Variants in TRIM2 observed in about 807,000 individuals in gnomAD.
The protein encoded by TRIM2 is tripartite motif containing 2.
Under a neutral mutation model 75.2 loss-of-function variants are expected in TRIM2, and 20 were observed. The ratio of observed to expected loss-of-function variants is 0.27; its 90% confidence interval spans 0.19 to 0.39. The LOEUF (loss-of-function observed/expected upper bound fraction) is 0.39. Among genes scored for constraint, TRIM2 ranks in the 10% least tolerant of loss-of-function variants. The pLI, the probability that TRIM2 is intolerant of heterozygous loss-of-function variation, is 1.00. For synonymous variants in TRIM2, 373 were observed against 388.3 expected (o/e 0.96, Z 0.46); for missense variants, 660 against 990.8 (o/e 0.67, Z 4.48).
chr4:153,284,567 G>C (rs980313369), intron 3 of TRIM2, among the ~76,000 whole-genome samples: 7 of 152,244 alleles, frequency 4.6e-5, no homozygotes, highest in Admixed American at 1.3e-4. Flanking sequence ...AAAGCATAAG[G>C]GTTCTAATTT....
chr4:153,312,580 G>A (rs893348743), intron 6 of TRIM2, among the ~76,000 whole-genome samples: 1 of 152,104 alleles, frequency 6.6e-6, no homozygotes, highest in Non-Finnish European at 1.5e-5. Context: ...AGGATGTGGA[G>A]AAATAGGAAT....
intron 1 of TRIM2, among the ~76,000 whole-genome samples, chr4:153,214,503 CAAT>C (rs1433157017): frequency 6.6e-6 from 1 of 152,160 alleles, no homozygotes; most frequent in African/African-American, 2.4e-5. Flanking sequence ...ACAAAAGAAA[CAAT>C]AAAGAAAATT....
chr4:153,244,373 T>C lies in TRIM2; in HGVS notation c.31-25962T>C, dbSNP rs567964039. On this transcript the variant is annotated intron_variant, in intron 1 of 11. Coordinates refer to ENST00000338700, the MANE Select transcript of TRIM2 (RefSeq NM_015271.5). ...CTTCTTCCTCTTCTTCTTCTTCTTC[T>C]TCTTCTTCTTCTTCTTCTTCTTCTT... Among the ~76,000 whole-genome samples the C allele has an allele frequency of 3.2e-3, 176 of 54,986 alleles. 8 individuals carry two copies. Among genetic ancestry groups the C allele is most frequent in the Admixed American group, 8.5e-3 (35 of 4,142 alleles). The allele number at this position is 54,986 out of a possible 152,430, so 36.1% of individuals were successfully genotyped here. A position where few individuals can be genotyped will look rare whatever the true frequency, so the allele number is the denominator to read the frequency against.
chr4:153,335,861 G>T lies in TRIM2; in HGVS notation c.*895G>T. ...CCTGAAAGCGAAAGCTTTACCTCCT[G>T]CAAATGTCAGCACATGTAGTAGGAC... On this transcript the variant is annotated 3_prime_UTR_variant, in exon 12 of 12. Transcript: ENST00000338700. 1.0e-6 allele frequency: 1 copy of T among 985,726 alleles called. No individual in the cohort carries two copies. The highest frequency in any genetic ancestry group is 1.2e-6 in the Non-Finnish European group (1 of 829,904). 61.1% of individuals were successfully genotyped at this position (985,726 alleles called of 1,614,324 possible).
At chr4:153,269,279 G>A (rs1250229851) in intron 1 of TRIM2, among the ~76,000 whole-genome samples, 2 of 152,168 alleles carry the variant, frequency 1.3e-5, no homozygotes, top group African/African-American at 4.8e-5. Context: ...AAAAGAAAGA[G>A]GGGTTTGGAC....
intron 6 of TRIM2, among the ~76,000 whole-genome samples, chr4:153,302,905 C>T (rs1431206887): frequency 6.6e-6 from 1 of 152,178 alleles, no homozygotes; most frequent in Non-Finnish European, 1.5e-5. Context: ...CAGAAGAATG[C>T]TTTGCATAAG....
At chr4:153,249,020 C>T (rs561314193) in intron 1 of TRIM2, among the ~76,000 whole-genome samples, 8 of 152,400 alleles carry the variant, frequency 5.2e-5, no homozygotes, top group African/African-American at 1.4e-4. Context: ...GTCGGGAGAA[C>T]TCCTGTTGCT....
chr4:153,197,565 C>T (rs987022553), intron 1 of TRIM2, among the ~76,000 whole-genome samples: 2 of 152,114 alleles, frequency 1.3e-5, no homozygotes, highest in African/African-American at 4.8e-5. Flanking sequence ...GCAGAATCCT[C>T]ATGAATGGGA....
At chr4:153,308,620 G>A in intron 6 of TRIM2, 1 of 628,698 alleles carries the variant, frequency 1.6e-6, no homozygotes, top group Non-Finnish European at 3.1e-6. Context: ...CACACCTTTG[G>A]TCTTGATGGC....
chr4:153,221,985 AG>A (rs1299105235), intron 1 of TRIM2, among the ~76,000 whole-genome samples: 102 of 59,120 alleles, frequency 1.7e-3, no homozygotes, highest in African/African-American at 5.1e-3. Context: ...GAAGGAAGGA[AG>A]GGAGAGAGGA....
chr4:153,315,998 A>T lies in TRIM2; in HGVS notation c.1781A>T (p.Lys594Met). ...ATTTTCTCCTCCGATGGGAAATTTA[A>T]GGTAAGATTAACTACTAATTGTTCA... ...VSIFSSDGKFKTKIGSGKLMG... is the reference protein window; with the variant it reads ...VSIFSSDGKFMTKIGSGKLMG... Residue 594 changes from lysine (K) to methionine (M), a missense_variant and splice_region_variant, in exon 8 of 12, where the codon AAG becomes ATG. Physicochemically the swap from Lys to Met is moderately conservative, Grantham distance 95. This residue lies in a region of TRIM2 where 620 missense variants were observed against 891.0 expected (regional missense o/e 0.70). Coordinates refer to ENST00000338700, the MANE Select transcript of TRIM2 (RefSeq NM_015271.5). 6.4e-7 allele frequency: 1 copy of T among 1,563,550 alleles called. No homozygotes were observed. The highest frequency in any genetic ancestry group is 8.6e-7 in the Non-Finnish European group (1 of 1,157,282).
At chr4:153,231,708 T>G (rs941740023) in intron 1 of TRIM2, among the ~76,000 whole-genome samples, 6 of 152,202 alleles carry the variant, frequency 3.9e-5, no homozygotes, top group African/African-American at 1.4e-4. Flanking sequence ...TGTCCTAGCA[T>G]CCGGCTGTCC....
At chr4:153,297,381 T>G (rs1762987536) in intron 6 of TRIM2, among the ~76,000 whole-genome samples, 1 of 152,162 alleles carries the variant, frequency 6.6e-6, no homozygotes, top group African/African-American at 2.4e-5. Flanking sequence ...TACTTGAGCC[T>G]TGGGCAAATC....
chr4:153,205,368 C>T (rs1735108402), intron 1 of TRIM2, among the ~76,000 whole-genome samples: 1 of 152,068 alleles, frequency 6.6e-6, no homozygotes, highest in Non-Finnish European at 1.5e-5. Context: ...CTGGCCCATT[C>T]GGTGCTCAGT....
chr4:153,319,488 G>A (rs1389384561), intron 8 of TRIM2, among the ~76,000 whole-genome samples: 3 of 152,114 alleles, frequency 2.0e-5, no homozygotes, highest in Non-Finnish European at 4.4e-5. Flanking sequence ...CAGCACCTTG[G>A]GAGGCCGCAG....
chr4:153,173,544 C>A (rs1731093484), intron 1 of TRIM2, among the ~76,000 whole-genome samples: 1 of 151,860 alleles, frequency 6.6e-6, no homozygotes, highest in African/African-American at 2.4e-5. Flanking sequence ...CGCCTGTGGT[C>A]CCAGCTACTT....
intron 1 of TRIM2, among the ~76,000 whole-genome samples, chr4:153,184,775 G>T (rs1654391700): frequency 6.6e-6 from 1 of 152,144 alleles, no homozygotes; most frequent in Admixed American, 6.5e-5. Context: ...TCCTGTCTTT[G>T]GGAAGTGGAG....
Position 153,336,249 on chromosome 4 carries a change from C to A in TRIM2, c.*1283C>A. 1.0e-6 allele frequency: 1 copy of A among 985,374 alleles called. No individual in the cohort carries two copies. The allele number at this position is 985,374 out of a possible 1,614,324, so 61.0% of individuals were successfully genotyped here. A position where few individuals can be genotyped will look rare whatever the true frequency, so the allele number is the denominator to read the frequency against. On this transcript the variant is annotated 3_prime_UTR_variant, in exon 12 of 12. Coordinates refer to ENST00000338700, the MANE Select transcript of TRIM2 (RefSeq NM_015271.5). ...CATTCCTTTACTAAGCAGTTTAAAGCCGTCCTAGTGGAGCAAGCCCTAAAG... is the reference window on the plus strand; with the variant it reads ...CATTCCTTTACTAAGCAGTTTAAAGACGTCCTAGTGGAGCAAGCCCTAAAG...
chr4:153,258,701 T>C (rs371827295), intron 1 of TRIM2, among the ~76,000 whole-genome samples: 1 of 152,234 alleles, frequency 6.6e-6, no homozygotes, highest in Non-Finnish European at 1.5e-5. Context: ...GCTTAGATCA[T>C]GTTACAGCAG....
Sources: gnomAD v4.1 joint callset for allele counts (sites outside exome capture counted in the v4.1 genomes callset) on GRCh38, gnomAD v4.1.1 for gene constraint, gnomAD v4.1.1 regional missense constraint, MANE v1.5 for transcripts, NCBI Gene and HGNC (gene_info 2026-07-23, HGNC 2026-07-21) for gene names.